Variants in HS3ST1 observed in about 807,000 individuals in gnomAD.
The protein encoded by HS3ST1 is heparan sulfate-glucosamine 3-sulfotransferase 1, also known as heparan sulfate glucosamine 3-O-sulfotransferase 1.
A neutral mutation model predicts 20.7 loss-of-function variants in HS3ST1; 8 were observed. That is an observed-to-expected ratio of 0.39 (90% CI 0.23 to 0.70). HS3ST1 has a LOEUF of 0.70. HS3ST1 is among the 30% of genes least tolerant of loss of function. The pLI is 0.46. For synonymous variants in HS3ST1, 205 were observed against 190.4 expected (o/e 1.08, Z -0.63); for missense variants, 436 against 423.4 (o/e 1.03, Z -0.26).
intron 1 of HS3ST1, among the ~76,000 whole-genome samples, chr4:11,427,636 G>T (rs1243701701): frequency 6.6e-6 from 1 of 152,242 alleles, no homozygotes; most frequent in East Asian, 1.9e-4. Context: ...TGCAAAGGAG[G>T]AGGAAGAGGG....
At chr4:11,427,141 A>G (rs1376991754) in intron 1 of HS3ST1, among the ~76,000 whole-genome samples, 1 of 152,088 alleles carries the variant, frequency 6.6e-6, no homozygotes, top group Non-Finnish European at 1.5e-5. Context: ...CCTGGAATTA[A>G]CCCTTGGGTG....
chr4:11,426,881 A>G (rs1223932323), intron 1 of HS3ST1, among the ~76,000 whole-genome samples: 1 of 152,214 alleles, frequency 6.6e-6, no homozygotes, highest in Non-Finnish European at 1.5e-5. Context: ...CCTGTGGGGG[A>G]AAATCTAAGC....
rs564333046 is a variant in HS3ST1, at chr4:11,423,008, A to G, written c.-109+5691T>C. On this transcript the variant is annotated intron_variant, in intron 1 of 1. Coordinates refer to ENST00000002596, the MANE Select transcript of HS3ST1 (RefSeq NM_005114.4). ...ACTGCACTCCAGCCAGGGCAACAAG[A>G]GCGAGACACCGTCAAAAAAAAAAAA... 4.5e-4 allele frequency among the ~76,000 whole-genome samples: 57 copies of G among 126,094 alleles called. 1 individual carries two copies. Among genetic ancestry groups the G allele is most frequent in the African/African-American group, 1.6e-3 (54 of 34,398 alleles). 82.7% of individuals were successfully genotyped at this position (126,094 alleles called of 152,430 possible).
At chr4:11,406,559 A>G (rs1242911836) in intron 1 of HS3ST1, among the ~76,000 whole-genome samples, 1 of 152,226 alleles carries the variant, frequency 6.6e-6, no homozygotes, top group African/African-American at 2.4e-5. Flanking sequence ...TTAAGGTTAA[A>G]TGACCTCCTC....
At chr4:11,401,344 C>T (rs1008579252) in intron 1 of HS3ST1, among the ~76,000 whole-genome samples, 2 of 129,408 alleles carry the variant, frequency 1.5e-5, no homozygotes, top group Non-Finnish European at 3.2e-5. Flanking sequence ...CAGATGTCAC[C>T]GCCATTTTTT....
At chr4:11,409,789 G>C (rs539319282) in intron 1 of HS3ST1, among the ~76,000 whole-genome samples, 199 of 152,360 alleles carry the variant, frequency 1.3e-3, no homozygotes, top group African/African-American at 4.5e-3. Flanking sequence ...GCAGCACTCA[G>C]ATGCTTCCAG....
At position 11,393,153 on chromosome 4, in the gene HS3ST1, G is replaced by C. The variant is rs1009387777; in HGVS notation, c.*5929C>G. On this transcript the variant is annotated 3_prime_UTR_variant, in exon 2 of 2. Coordinates refer to ENST00000002596, the MANE Select transcript of HS3ST1 (RefSeq NM_005114.4). ...AAAAGAAAGAGACATCCATGTATTA[G>C]TTCTAAGTGGAATATTTATCAAACA... is the stretch of plus-strand genomic sequence containing the variant. 6.6e-6 allele frequency: 1 copy of C among 152,190 alleles called. No homozygotes were observed. The highest frequency in any genetic ancestry group is 2.4e-5 in the African/African-American group (1 of 41,436). 9.4% of individuals were successfully genotyped at this position (152,190 alleles called of 1,614,324 possible).
chr4:11,430,249 C>T (rs890080049), upstream of HS3ST1, among the ~76,000 whole-genome samples: 11 of 152,020 alleles, frequency 7.2e-5, no homozygotes, highest in African/African-American at 2.7e-4. Context: ...GTTGAATGAC[C>T]TTGTCTACTT....
In HS3ST1 at chr4:11,396,914, C is replaced by T. The variant is rs1006215809; in HGVS notation, c.*2168G>A. ...TGTGCTGGTCCTGTCTTCCTCCACT[C>T]CTCCCCGCTGCCTCTTGCATCCACA... On this transcript the variant is annotated 3_prime_UTR_variant, in exon 2 of 2. Coordinates refer to ENST00000002596, the MANE Select transcript of HS3ST1 (RefSeq NM_005114.4). The T allele has an allele frequency of 2.6e-5, 4 of 152,372 alleles. No homozygotes were observed. Among genetic ancestry groups the T allele is most frequent in the African/African-American group, 9.6e-5 (4 of 41,460 alleles). 9.4% of individuals were successfully genotyped at this position (152,372 alleles called of 1,614,324 possible).
upstream of HS3ST1, among the ~76,000 whole-genome samples, chr4:11,432,669 G>A (rs116251443): frequency 0.01 from 1,540 of 152,336 alleles, 16 homozygotes; most frequent in Non-Finnish European, 0.014. Flanking sequence ...AACAAAGAGA[G>A]CATGATTGCA....
chr4:11,409,339 G>C (rs1394627317), intron 1 of HS3ST1, among the ~76,000 whole-genome samples: 1 of 152,104 alleles, frequency 6.6e-6, no homozygotes, highest in Non-Finnish European at 1.5e-5. Flanking sequence ...GAATGTTTTT[G>C]TCCTCCCCAA....
In HS3ST1 at chr4:11,393,550, T is replaced by C. The variant is rs1718061030; in HGVS notation, c.*5532A>G. 1.3e-5 allele frequency: 2 copies of C among 152,324 alleles called. No homozygotes were observed. Among genetic ancestry groups the C allele is most frequent in the East Asian group, 3.9e-4 (2 of 5,188 alleles). 9.4% of individuals were successfully genotyped at this position (152,324 alleles called of 1,614,324 possible). A position where few individuals can be genotyped will look rare whatever the true frequency, so the allele number is the denominator to read the frequency against. On this transcript the variant is annotated 3_prime_UTR_variant, in exon 2 of 2. Coordinates refer to ENST00000002596, the MANE Select transcript of HS3ST1 (RefSeq NM_005114.4). The stretch of plus-strand genomic sequence containing the variant: ...CAAAGTCTGAGGGGGGATTCCTGTT[T>C]TCTTGGGAAACACATTTACTGAGAA...
At chr4:11,402,375 C>T (rs193165021) in intron 1 of HS3ST1, among the ~76,000 whole-genome samples, 3 of 152,210 alleles carry the variant, frequency 2.0e-5, no homozygotes, top group African/African-American at 4.8e-5. Context: ...TTGGTTCTAC[C>T]GATTGGTGAA....
Position 11,398,911 on chromosome 4 carries a change from T to G in HS3ST1, c.*171A>C, listed in dbSNP as rs1234066293. ...TACAAAATGCCCTCCATTTAACAAG[T>G]AGAAAAATATAACTAGTATATATGG... On this transcript the variant is annotated 3_prime_UTR_variant, in exon 2 of 2. Coordinates refer to ENST00000002596, the MANE Select transcript of HS3ST1 (RefSeq NM_005114.4). 1.8e-6 allele frequency: 1 copy of G among 561,338 alleles called. No individual in the cohort carries two copies. The highest frequency in any genetic ancestry group is 3.6e-5 in the Admixed American group (1 of 27,628). The allele number at this position is 561,338 out of a possible 1,614,324, so 34.8% of individuals were successfully genotyped here. A position where few individuals can be genotyped will look rare whatever the true frequency, so the allele number is the denominator to read the frequency against.
chr4:11,400,407 T>C (rs1560231288), intron 1 of HS3ST1, among the ~76,000 whole-genome samples: 1 of 152,226 alleles, frequency 6.6e-6, no homozygotes. Context: ...AAGAACACTC[T>C]ATTTATGGGC....
chr4:11,425,292 G>A (rs931795587), intron 1 of HS3ST1, among the ~76,000 whole-genome samples: 5 of 152,162 alleles, frequency 3.3e-5, no homozygotes, highest in Non-Finnish European at 5.9e-5. Context: ...AGGGGGACCC[G>A]GGTCATCTCG....
chr4:11,406,981 G>T (rs533133451), intron 1 of HS3ST1, among the ~76,000 whole-genome samples: 1 of 152,186 alleles, frequency 6.6e-6, no homozygotes, highest in South Asian at 2.1e-4. Context: ...CCTCACAGTG[G>T]TGTCAGATTT....
At chr4:11,412,821 G>A (rs911809752) in intron 1 of HS3ST1, among the ~76,000 whole-genome samples, 13 of 152,116 alleles carry the variant, frequency 8.5e-5, no homozygotes, top group African/African-American at 1.4e-4. Context: ...ATACTCCTAC[G>A]GACTGAATGT....
At chr4:11,431,032 A>G (rs930241458), upstream of HS3ST1, among the ~76,000 whole-genome samples, 7 of 152,324 alleles carry the variant, frequency 4.6e-5, no homozygotes, top group Middle Eastern at 3.4e-3. Context: ...TTTCTTATCC[A>G]GAAGCTCATG....
Sources: gnomAD v4.1 joint callset for allele counts (sites outside exome capture counted in the v4.1 genomes callset) on GRCh38, gnomAD v4.1.1 for gene constraint, MANE v1.5 for transcripts, NCBI Gene and HGNC (gene_info 2026-07-23, HGNC 2026-07-21) for gene names.